FER: variants seen among roughly 807,000 people sequenced by gnomAD.
The protein encoded by FER is FER tyrosine kinase.
In FER, 63 loss-of-function variants were observed where a neutral mutation model predicts 111.0. The ratio of observed to expected loss-of-function variants is 0.57; its 90% confidence interval spans 0.46 to 0.70. The LOEUF (loss-of-function observed/expected upper bound fraction) is 0.70. Among genes scored for constraint, FER ranks in the 30% least tolerant of loss-of-function variants. The pLI is 0.00. For synonymous variants in FER, 327 were observed against 313.9 expected (o/e 1.04, Z -0.44); for missense variants, 914 against 954.0 (o/e 0.96, Z 0.55).
At chr5:109,154,243 A>G (rs3814066) in intron 17 of FER, among the ~76,000 whole-genome samples, 17,141 of 151,950 alleles carry the variant, frequency 0.11, 953 homozygotes, top group Non-Finnish European at 0.12. Flanking sequence ...AACCTTTACC[A>G]GAAGTATGAA....
chr5:109,149,306 A>G (rs1258458534), intron 17 of FER, among the ~76,000 whole-genome samples: 1 of 152,146 alleles, frequency 6.6e-6, no homozygotes, highest in African/African-American at 2.4e-5. Context: ...CACTTGTAAT[A>G]GGGATGGGAG....
At position 108,770,944 on chromosome 5, in the gene FER, T is replaced by A. The variant is rs897990038; in HGVS notation, c.-60+2706T>A. Among the ~76,000 whole-genome samples the A allele has an allele frequency of 6.0e-5, 9 of 149,368 alleles. No individual in the cohort carries two copies. In the South Asian group the frequency reaches 8.5e-4, roughly 14 times the overall value. On this transcript the variant is annotated intron_variant, in intron 2 of 19. Coordinates refer to ENST00000281092, the MANE Select transcript of FER (RefSeq NM_005246.4). ...TTTCATTTTTTTCTCTGAAAAAAAATTTTTTTTTTTGAGATGGAGTCTCAC... is the reference window on the plus strand; with the variant it reads ...TTTCATTTTTTTCTCTGAAAAAAAAATTTTTTTTTTGAGATGGAGTCTCAC...
At chr5:109,008,520 C>T (rs1399851050) in intron 13 of FER, among the ~76,000 whole-genome samples, 1 of 152,164 alleles carries the variant, frequency 6.6e-6, no homozygotes, top group African/African-American at 2.4e-5. Context: ...CTCCTCTCAC[C>T]TCACCCAGGT....
At chr5:109,051,603 G>A in intron 16 of FER, 1 of 1,604,586 alleles carries the variant, frequency 6.2e-7, no homozygotes, top group Non-Finnish European at 8.5e-7. Context: ...TAACCAGCTT[G>A]TACCCAGGAA....
At chr5:108,914,670 C>T (rs1197686777) in intron 10 of FER, among the ~76,000 whole-genome samples, 1 of 152,120 alleles carries the variant, frequency 6.6e-6, no homozygotes, top group African/African-American at 2.4e-5. Flanking sequence ...AAGTAGATAG[C>T]ACAAGCATGT....
intron 16 of FER, among the ~76,000 whole-genome samples, chr5:109,096,944 G>A (rs1747607981): frequency 6.8e-6 from 1 of 148,096 alleles, no homozygotes; most frequent in East Asian, 1.9e-4. Context: ...ATAGTAAATA[G>A]TATTTGTAAC....
intron 5 of FER, among the ~76,000 whole-genome samples, chr5:108,851,478 A>G (rs189112864): frequency 1.3e-5 from 2 of 152,304 alleles, no homozygotes; most frequent in Admixed American, 1.3e-4. Context: ...GACAAAGCCA[A>G]ACCATATCAG....
At chr5:109,061,114 C>T (rs536505495) in intron 16 of FER, among the ~76,000 whole-genome samples, 1 of 152,192 alleles carries the variant, frequency 6.6e-6, no homozygotes, top group South Asian at 2.1e-4. Flanking sequence ...AATGTTTAGC[C>T]TTTATACGTG....
chr5:108,980,718 C>A (rs11949510), intron 13 of FER, among the ~76,000 whole-genome samples: 6 of 151,962 alleles, frequency 3.9e-5, no homozygotes, highest in Non-Finnish European at 8.8e-5. Context: ...TTCCAAACAC[C>A]CTTCAGAAGA....
rs762052079 is a variant in FER at position 109,037,078 on chromosome 5, CTCA to C, written c.1657-342_1657-340del. On this transcript the variant is annotated intron_variant, in intron 13 of 19. Coordinates refer to ENST00000281092, the MANE Select transcript of FER (RefSeq NM_005246.4). ...ATTTTACATTGTAAAATCAAACTCC[CTCA>C]TGTATTTATGACAGCTTTTTGAAAT... Among the ~76,000 whole-genome samples the C allele has an allele frequency of 3.3e-5, 5 of 152,080 alleles. No individual in the cohort carries two copies. The South Asian group carries it at 8.3e-4, about 25-fold the overall frequency.
intron 17 of FER, among the ~76,000 whole-genome samples, chr5:109,114,788 T>C (rs1297765903): frequency 2.6e-5 from 4 of 152,132 alleles, no homozygotes. Flanking sequence ...TCAGCATATC[T>C]ATCTTTAATT....
At chr5:109,168,713 G>A (rs937245264) in intron 17 of FER, among the ~76,000 whole-genome samples, 5 of 152,130 alleles carry the variant, frequency 3.3e-5, no homozygotes, top group African/African-American at 1.2e-4. Flanking sequence ...ACCATTTGAT[G>A]TTTCACAGAA....
At chr5:108,914,624 G>C (rs1752019905) in intron 10 of FER, among the ~76,000 whole-genome samples, 1 of 152,116 alleles carries the variant, frequency 6.6e-6, no homozygotes, top group Non-Finnish European at 1.5e-5. Context: ...TCAATTCAGG[G>C]GCTTGAGGAA....
chr5:108,920,148 A>G (rs1046501077), intron 10 of FER, among the ~76,000 whole-genome samples: 7 of 152,126 alleles, frequency 4.6e-5, no homozygotes, highest in Non-Finnish European at 8.8e-5. Context: ...AGTATCAGAA[A>G]AAACAAATTT....
chr5:108,922,583 T>C (rs900658254), intron 10 of FER, among the ~76,000 whole-genome samples: 1 of 152,164 alleles, frequency 6.6e-6, no homozygotes, highest in Non-Finnish European at 1.5e-5. Context: ...TGAGCCTGGG[T>C]AAGTGCCTGG....
intron 5 of FER, among the ~76,000 whole-genome samples, chr5:108,860,942 T>G (rs1051717096): frequency 6.6e-6 from 1 of 152,136 alleles, no homozygotes; most frequent in African/African-American, 2.4e-5. Flanking sequence ...CCACCAGATC[T>G]TCTGAGAACT....
intron 16 of FER, among the ~76,000 whole-genome samples, chr5:109,064,128 C>T (rs1774791599): frequency 6.6e-6 from 1 of 152,098 alleles, no homozygotes; most frequent in Non-Finnish European, 1.5e-5. Context: ...CTTAATATCC[C>T]AAAGCAAATA....
chr5:108,844,483 C>T (rs545571045), intron 5 of FER, among the ~76,000 whole-genome samples: 3 of 152,178 alleles, frequency 2.0e-5, no homozygotes, highest in African/African-American at 7.2e-5. Flanking sequence ...TTAACAGGTT[C>T]ATTTTGATAC....
intron 14 of FER, among the ~76,000 whole-genome samples, chr5:109,044,283 A>G (rs1771624595): frequency 1.3e-5 from 2 of 150,294 alleles, no homozygotes; most frequent in African/African-American, 2.5e-5. Flanking sequence ...GGTTCATGCC[A>G]TTCTCCTGCC....
Sources: gnomAD v4.1 joint callset for allele counts (sites outside exome capture counted in the v4.1 genomes callset) on GRCh38, gnomAD v4.1.1 for gene constraint, MANE v1.5 for transcripts, NCBI Gene and HGNC (gene_info 2026-07-23, HGNC 2026-07-21) for gene names.